The following PTPN2 variants were observed in gnomAD, a reference collection of about 807,000 sequenced individuals.
PTPN2 encodes the protein tyrosine-protein phosphatase non-receptor type 2.
A neutral mutation model predicts 57.3 loss-of-function variants in PTPN2; 19 were observed. The observed-to-expected ratio is 0.33, with a 90% CI of 0.23 to 0.49. The LOEUF (loss-of-function observed/expected upper bound fraction) is 0.49, where lower values mean the gene tolerates loss of function less well. PTPN2 is among the 20% of genes least tolerant of loss of function. The pLI is 0.99. For missense variants in PTPN2, 358 were observed against 501.1 expected, an observed-to-expected ratio of 0.71 and a Z score of 2.73; for synonymous variants, 153 against 164.9, an observed-to-expected ratio of 0.93 and a Z score of 0.55.
At chr18:12,820,025 C>T (rs1457707217) in intron 5 of PTPN2, among the ~76,000 whole-genome samples, 4 of 152,174 alleles carry the variant, frequency 2.6e-5, no homozygotes, top group Non-Finnish European at 5.9e-5. Context: ...CGGGGTCCTG[C>T]GCACAATTAC....
intron 1 of PTPN2, among the ~76,000 whole-genome samples, chr18:12,878,211 G>A (rs937053411): frequency 1.7e-4 from 26 of 151,904 alleles, no homozygotes; most frequent in Admixed American, 1.4e-3. Flanking sequence ...CAGCTACGTG[G>A]GGGACTGAGG....
intron 1 of PTPN2, among the ~76,000 whole-genome samples, chr18:12,863,004 C>T (rs1012237958): frequency 1.3e-5 from 2 of 151,836 alleles, no homozygotes; most frequent in Non-Finnish European, 2.9e-5. Flanking sequence ...CAAAAATAAA[C>T]AATTTTATAA....
At chr18:12,809,538 G>A (rs749804299) in intron 7 of PTPN2, among the ~76,000 whole-genome samples, 2 of 152,204 alleles carry the variant, frequency 1.3e-5, no homozygotes, top group Non-Finnish European at 2.9e-5. Context: ...GGAGCCAATG[G>A]TTTTGATTAC....
intron 1 of PTPN2, chr18:12,883,863 A>C: frequency 1.9e-6 from 1 of 513,072 alleles, no homozygotes; most frequent in Non-Finnish European, 3.4e-6. Context: ...TGCTCAGCTC[A>C]AGTATGCTTT....
At chr18:12,874,142 G>T (rs560728275) in intron 1 of PTPN2, among the ~76,000 whole-genome samples, 45 of 152,028 alleles carry the variant, frequency 3.0e-4, no homozygotes, top group African/African-American at 9.6e-4. Flanking sequence ...CAGCCGCCCC[G>T]TCCAGGAGGG....
intron 1 of PTPN2, among the ~76,000 whole-genome samples, chr18:12,870,298 T>TATATAC (rs199522731): frequency 1.1e-5 from 1 of 90,866 alleles, no homozygotes; most frequent in African/African-American, 7.0e-5. Context: ...TACATATATA[T>TATATAC]GTGTATATAT....
chr18:12,869,837 T>C (rs2044125607), intron 1 of PTPN2, among the ~76,000 whole-genome samples: 1 of 152,192 alleles, frequency 6.6e-6, no homozygotes, highest in African/African-American at 2.4e-5. Flanking sequence ...TGATGAAAAG[T>C]GTTCCCTTTG....
intron 2 of PTPN2, among the ~76,000 whole-genome samples, chr18:12,848,440 GTGAGTTACTTC>G (rs2043284639): frequency 6.6e-6 from 1 of 152,218 alleles, no homozygotes; most frequent in Admixed American, 6.5e-5. Flanking sequence ...CATGGCCTTA[GTGAGTTACTTC>G]TCAAACGGAA....
rs1411593047 is a variant in PTPN2, at chr18:12,825,850, G to A, written c.455C>T (p.Ser152Leu). 7 of 1,610,746 alleles carry A rather than the reference G, an allele frequency of 4.3e-6. No homozygotes were observed. Among genetic ancestry groups the A allele is most frequent in the East Asian group, 2.2e-5 (1 of 44,832 alleles). Residue 152 changes from serine (S) to leucine (L), a missense_variant, in exon 5 of 9, where the codon TCG (serine) becomes TTG (leucine). By Grantham distance (145) the Ser-to-Leu change is moderately radical (BLOSUM62 -2). Transcript: ENST00000309660. Reference protein sequence around the residue: ...SVKLLSEDVKSYYTVHLLQLE... With the variant: ...SVKLLSEDVKLYYTVHLLQLE... ...TTGTAGTAGATGTACTGTATAATAC[G>A]ACTTCACATCTTCTGACAAGAGCTT...
At chr18:12,828,257 G>C (rs1333106981) in intron 4 of PTPN2, among the ~76,000 whole-genome samples, 6 of 152,154 alleles carry the variant, frequency 3.9e-5, no homozygotes, top group South Asian at 2.1e-4. Context: ...TCCCTCCTTA[G>C]GAGCCACTAG....
chr18:12,798,936 A>G (rs1293501144), intron 8 of PTPN2, among the ~76,000 whole-genome samples: 1 of 152,100 alleles, frequency 6.6e-6, no homozygotes, highest in Non-Finnish European at 1.5e-5. Context: ...TCATGTTATT[A>G]TTTGTGATAT....
chr18:12,838,035 CTGTTA>C (rs1179233489), intron 2 of PTPN2, among the ~76,000 whole-genome samples: 2 of 151,952 alleles, frequency 1.3e-5, no homozygotes, highest in African/African-American at 4.8e-5. Context: ...CACCCTTTAA[CTGTTA>C]TATTATGTAA....
At chr18:12,831,512 G>A (rs2042668886) in intron 3 of PTPN2, among the ~76,000 whole-genome samples, 2 of 152,140 alleles carry the variant, frequency 1.3e-5, no homozygotes, top group South Asian at 2.1e-4. Context: ...AGGAGTATCT[G>A]ACTGATCATG....
intron 1 of PTPN2, among the ~76,000 whole-genome samples, chr18:12,882,032 A>G (rs2044682701): frequency 6.6e-6 from 1 of 152,200 alleles, no homozygotes. Flanking sequence ...ACTTGCCAGG[A>G]GCATTCTCTG....
chr18:12,830,936 T>A lies in PTPN2; in HGVS notation c.360+7A>T. On this transcript the variant is annotated splice_region_variant and intron_variant, in intron 4 of 8. Transcript: ENST00000309660. ...ATACTAAGTTGTAAATATTAAATAT[T>A]ACTCACCGATTCTTTCTCCACAATG... 2 of 1,560,564 alleles carry A rather than the reference T, an allele frequency of 1.3e-6. No homozygotes were observed. Among genetic ancestry groups the A allele is most frequent in the Non-Finnish European group, 1.8e-6 (2 of 1,132,736 alleles).
chr18:12,792,710 C>T lies in PTPN2; in HGVS notation c.*1568G>A, dbSNP rs571642634. 3 of 161,292 alleles carry T rather than the reference C, an allele frequency of 1.9e-5. No individual in the cohort carries two copies. In the East Asian group the frequency reaches 5.7e-4, roughly 31 times the overall value. The allele number at this position is 161,292 out of a possible 1,614,324, so 10.0% of individuals were successfully genotyped here. On this transcript the variant is annotated 3_prime_UTR_variant, in exon 9 of 9. Transcript: ENST00000309660. ...GGTTCAAGCAATTCTCCTACCTCAG[C>T]CTCCTGAGTAGCTGAGATTACAGGT...
chr18:12,803,156 G>A (rs766446962), intron 7 of PTPN2, among the ~76,000 whole-genome samples: 1 of 152,112 alleles, frequency 6.6e-6, no homozygotes, highest in Non-Finnish European at 1.5e-5. Flanking sequence ...CCAAGGTTAA[G>A]TTATTATCAG....
chr18:12,825,986 G>A (rs1205247005), intron 4 of PTPN2, 42 bp from the exon 5 acceptor site: 1 of 1,487,524 alleles, frequency 6.7e-7, no homozygotes, highest in African/African-American at 1.4e-5. Flanking sequence ...TTAGTTTATA[G>A]ACATCATGAA....
At chr18:12,790,967 G>A (rs1446929461), downstream of PTPN2, among the ~76,000 whole-genome samples, 1 of 152,096 alleles carries the variant, frequency 6.6e-6, no homozygotes, top group East Asian at 1.9e-4. Flanking sequence ...AATGTATAAA[G>A]TCTCCTCTAA....
Sources: allele counts gnomAD v4.1 joint callset (sites outside exome capture counted in the v4.1 genomes callset), GRCh38; gene constraint gnomAD v4.1.1; transcripts MANE v1.5; gene names NCBI Gene and HGNC (gene_info 2026-07-23, HGNC 2026-07-21).